Variants in UBTF observed in about 807,000 individuals in gnomAD.
UBTF encodes the protein upstream binding transcription factor, also known as nucleolar transcription factor 1.
In UBTF, 8 loss-of-function variants were observed where a neutral mutation model predicts 112.3. The observed-to-expected ratio is 0.07, with a 90% CI of 0.04 to 0.13. The LOEUF is 0.13. Ranked by LOEUF, UBTF falls within the 10% of genes least tolerant of loss-of-function variation. UBTF has a pLI of 1.00. For synonymous variants in UBTF, 417 were observed against 373.1 expected (o/e 1.12, Z -1.36); for missense variants, 457 against 982.1 (o/e 0.47, Z 7.15).
intron 19 of UBTF, 28 bp downstream of exon 19, chr17:44,207,671 G>A (rs767231012): frequency 9.9e-6 from 16 of 1,614,062 alleles, no homozygotes; most frequent in East Asian, 4.5e-5. Flanking sequence ...CCCGCCCCAC[G>A]CCCCTGCATC....
At chr17:44,210,019 G>A (rs2056549078) in intron 15 of UBTF, 105 bp downstream of exon 15, 2 of 1,191,912 alleles carry the variant, frequency 1.7e-6, no homozygotes, top group Admixed American at 3.6e-5. Context: ...GCTGAGACTT[G>A]CTGAGAGTCA....
chr17:44,215,960 C>A lies in UBTF; in HGVS notation c.264G>T (p.Leu88Phe). 1 of 1,614,012 alleles carries A rather than the reference C, an allele frequency of 6.2e-7. No homozygotes were observed. Among genetic ancestry groups the A allele is most frequent in the South Asian group, 1.1e-5 (1 of 91,054 alleles). Residue 88 changes from leucine (L) to phenylalanine (F), a missense_variant, in exon 4 of 21, where the codon TTG (leucine) becomes TTT (phenylalanine). This residue lies in a region of UBTF where 26 missense variants were observed against 132.9 expected (regional missense o/e 0.20). Coordinates refer to ENST00000436088, the MANE Select transcript of UBTF (RefSeq NM_014233.4). Reference sequence around the variant, plus strand: ...TAACATGTTCCTGAGCATCGAGGATCAATTCTGTCAATGTACGGAACTTCC... The same window carrying A: ...TAACATGTTCCTGAGCATCGAGGATAAATTCTGTCAATGTACGGAACTTCC... ...EVRKFRTLTE[L>F]ILDAQEHVKN...
Position 44,206,953 on chromosome 17 carries a change from A to C in UBTF, c.*289T>G. On this transcript the variant is annotated 3_prime_UTR_variant, in exon 21 of 21. Transcript: ENST00000436088. ...GTCCATTGTCCATGCCGGAACCGCA[A>C]GTGCAGAAGTGGGTGGGGTGGGCCA... is the stretch of plus-strand genomic sequence containing the variant. 4.0e-6 allele frequency: 2 copies of C among 498,232 alleles called. No homozygotes were observed. Among genetic ancestry groups the C allele is most frequent in the East Asian group, 6.4e-5 (2 of 31,398 alleles). 30.9% of individuals were successfully genotyped at this position (498,232 alleles called of 1,614,324 possible).
Position 44,206,215 on chromosome 17 carries a change from G to C in UBTF, c.*1027C>G. On this transcript the variant is annotated 3_prime_UTR_variant, in exon 21 of 21. Coordinates refer to ENST00000436088, the MANE Select transcript of UBTF (RefSeq NM_014233.4). ...AGCTCGGATGCATGTGACTCTGGCAGAGGGAGCCTGGTCTGGGAAGCATCC... is the reference window on the plus strand; with the variant it reads ...AGCTCGGATGCATGTGACTCTGGCACAGGGAGCCTGGTCTGGGAAGCATCC... 6.6e-6 allele frequency: 1 copy of C among 152,260 alleles called. No individual in the cohort carries two copies. Among genetic ancestry groups the C allele is most frequent in the East Asian group, 1.9e-4 (1 of 5,180 alleles). The allele number at this position is 152,260 out of a possible 1,614,324, so 9.4% of individuals were successfully genotyped here. A position where few individuals can be genotyped will look rare whatever the true frequency, so the allele number is the denominator to read the frequency against.
At chr17:44,212,620 T>C in intron 7 of UBTF, among the ~76,000 whole-genome samples, 166 bp from the exon 8 acceptor site, 1 of 152,076 alleles carries the variant, frequency 6.6e-6, no homozygotes. Context: ...CCCGCCTGGG[T>C]GCAAGGGGAC....
rs2046851813 is a variant in UBTF at position 44,216,470 on chromosome 17, T to C, written c.234+59A>G. The C allele has an allele frequency of 6.3e-6, 10 of 1,585,386 alleles. No homozygotes were observed. In the South Asian group the frequency reaches 1.0e-4, roughly 16 times the overall value. ...CCTTCCTGTTTACAGCCTGTTTCAC[T>C]TCCCCCACCACGCTGAGTGGGGGGT... is the stretch of plus-strand genomic sequence containing the variant. On this transcript the variant is annotated intron_variant, in intron 3 of 20. Coordinates refer to ENST00000436088, the MANE Select transcript of UBTF (RefSeq NM_014233.4).
At chr17:44,208,445 C>G (rs1019768280) in intron 17 of UBTF, among the ~76,000 whole-genome samples, 3 of 152,220 alleles carry the variant, frequency 2.0e-5, no homozygotes, top group Admixed American at 1.3e-4. Context: ...GAGTCCTTCT[C>G]TAAACCACTA....
rs375076377 is a variant in UBTF at position 44,211,347 on chromosome 17, G to T, written c.1048-16C>A. ...CTTTCTTTTTCTGGGAAAGTGAGTG[G>T]AGTCAGGATCAGTCTGGAGACAGTG... On this transcript the variant is annotated splice_polypyrimidine_tract_variant and intron_variant, in intron 10 of 20. Coordinates refer to ENST00000436088, the MANE Select transcript of UBTF (RefSeq NM_014233.4). This position sits in a 1 kb window ranked among gnomAD's most constrained non-coding sequence, Gnocchi z 4.9. 3.2e-5 allele frequency: 51 copies of T among 1,613,972 alleles called. No homozygotes were observed. In the African/African-American group the frequency reaches 6.0e-4, roughly 19 times the overall value.
intron 3 of UBTF, 34 bp from the exon 4 acceptor site, chr17:44,216,023 G>A: frequency 6.4e-7 from 1 of 1,571,786 alleles, no homozygotes; most frequent in Non-Finnish European, 8.8e-7. Flanking sequence ...AGGGGAAGTT[G>A]GGAAAAGGAA....
chr17:44,216,011 G>A (rs2046825145), intron 3 of UBTF, 22 bp from the exon 4 acceptor site: 3 of 1,602,886 alleles, frequency 1.9e-6, no homozygotes, highest in Non-Finnish European at 1.7e-6. Context: ...GGGGTGGGAG[G>A]AAGGGGAAGT....
chr17:44,211,167 G>C lies in UBTF; in HGVS notation c.1090-15C>G. ...TCAGGCAGGCTCTGGACAGGAAAGA[G>C]GAGCACGGGGCTGCATGCCTGGCAC... On this transcript the variant is annotated splice_polypyrimidine_tract_variant and intron_variant, in intron 11 of 20. Coordinates refer to ENST00000436088, the MANE Select transcript of UBTF (RefSeq NM_014233.4). This position sits in a 1 kb window ranked among gnomAD's most constrained non-coding sequence, Gnocchi z 4.9. The C allele has an allele frequency of 1.2e-6, 2 of 1,612,988 alleles. No homozygotes were observed. The highest frequency in any genetic ancestry group is 1.1e-5 in the South Asian group (1 of 91,074).
intron 17 of UBTF, chr17:44,208,497 TG>T (rs2056425281): frequency 7.3e-6 from 1 of 137,770 alleles, no homozygotes; most frequent in African/African-American, 3.0e-5. Context: ...TTTTCGCAAA[TG>T]GAAGCTCCTA....
chr17:44,209,819 G>A (rs2038064132), intron 15 of UBTF, 86 bp from the exon 16 acceptor site: 4 of 1,424,448 alleles, frequency 2.8e-6, no homozygotes, highest in Non-Finnish European at 3.9e-6. Context: ...CACCTTAGCT[G>A]GCTGTCTTTT....
intron 2 of UBTF, among the ~76,000 whole-genome samples, chr17:44,217,239 C>T (rs1311636366): frequency 6.6e-6 from 1 of 152,182 alleles, no homozygotes; most frequent in African/African-American, 2.4e-5. Flanking sequence ...GAGACACCCA[C>T]CACCCCCTAG....
upstream of UBTF, chr17:44,220,776 G>A (rs957295640): frequency 2.0e-5 from 3 of 151,978 alleles, no homozygotes; most frequent in African/African-American, 7.2e-5. Context: ...GGGGGCACCT[G>A]GGAGCACGGC....
In UBTF at chr17:44,215,723, A is replaced by G; in HGVS notation, c.405T>C (p.Pro135=). The G allele has an allele frequency of 6.2e-7, 1 of 1,614,036 alleles. No homozygotes were observed. The highest frequency in any genetic ancestry group is 8.5e-7 in the Non-Finnish European group (1 of 1,179,998). ...EKRAKYAKLH[P]EMSNLDLTKI... Reference sequence around the variant, plus strand: ...TGGTTAGGTCCAGGTTGCTCATCTCAGGGTGGAGTTTCGCATACTTGGCCC... The same window carrying G: ...TGGTTAGGTCCAGGTTGCTCATCTCGGGGTGGAGTTTCGCATACTTGGCCC... The change falls in exon 5 of 21, where the codon CCT becomes CCC. Residue 135 remains proline (P), a synonymous_variant. Transcript: ENST00000436088.
intron 8 of UBTF, 115 bp from the exon 9 acceptor site, chr17:44,212,121 C>T (rs1419942411): frequency 8.8e-6 from 10 of 1,138,726 alleles, no homozygotes; most frequent in Admixed American, 2.2e-5. Flanking sequence ...GGTGGCTGCG[C>T]GTCAGTGGTG....
chr17:44,219,868 AC>A, upstream of UBTF: 1 of 147,642 alleles, frequency 6.8e-6, no homozygotes, highest in Non-Finnish European at 1.5e-5. Context: ...GCGCACACCG[AC>A]CCCCGGGGAG....
chr17:44,215,367 G>C (rs2046796746), intron 5 of UBTF: 1 of 434,200 alleles, frequency 2.3e-6, no homozygotes, highest in Non-Finnish European at 4.2e-6. Context: ...GAGGATGGGT[G>C]TATGGGGGAG....
Sources: gnomAD v4.1 joint callset for allele counts (sites outside exome capture counted in the v4.1 genomes callset) on GRCh38, gnomAD v4.1.1 for gene constraint, gnomAD v4.1.1 regional missense constraint, Gnocchi (gnomAD v3.1) non-coding constraint, MANE v1.5 for transcripts, NCBI Gene and HGNC (gene_info 2026-07-23, HGNC 2026-07-21) for gene names.